KLC2: variants seen among roughly 807,000 people sequenced by gnomAD.
KLC2 encodes the protein kinesin light chain 2.
KLC2 carries 35 observed loss-of-function variants against 75.1 expected under a neutral mutation model. That is an observed-to-expected ratio of 0.47 (90% confidence interval 0.36 to 0.62). KLC2 has a LOEUF of 0.62. Among genes scored for constraint, KLC2 ranks in the 20% least tolerant of loss-of-function variants. KLC2 has a pLI of 0.00. For missense variants in KLC2, 611 were observed against 833.2 expected, an observed-to-expected ratio of 0.73 and a Z score of 3.28; for synonymous variants, 314 against 336.7, an observed-to-expected ratio of 0.93 and a Z score of 0.74.
At chr11:66,258,297 T>G in intron 1 of KLC2, 1 of 439,396 alleles carries the variant, frequency 2.3e-6, no homozygotes. Context: ...CCTGTCCTGG[T>G]TAGGGGGTCC....
upstream of KLC2, among the ~76,000 whole-genome samples, chr11:66,255,915 G>A (rs547827893): frequency 6.6e-6 from 1 of 152,080 alleles, no homozygotes; most frequent in African/African-American, 2.4e-5. Flanking sequence ...ACAGGCGTGC[G>A]CCACCACGCA....
chr11:66,252,444 T>C (rs1236345759), upstream of KLC2, among the ~76,000 whole-genome samples: 2 of 151,142 alleles, frequency 1.3e-5, no homozygotes, highest in Non-Finnish European at 3.0e-5. Flanking sequence ...TTTGTATTTT[T>C]AGTAGAGACG....
In KLC2 at chr11:66,257,992, C is replaced by A. The variant is rs531523311; in HGVS notation, c.-12+121C>A. ...CGGCCTGTGGGAGGATCGGGCCAGCCCTGGTAGGGGGCGCGGTCCCGGGTG... is the reference window on the plus strand; with the variant it reads ...CGGCCTGTGGGAGGATCGGGCCAGCACTGGTAGGGGGCGCGGTCCCGGGTG... On this transcript the variant is annotated intron_variant, in intron 1 of 15. Transcript: ENST00000394067. The A allele has an allele frequency of 9.8e-4, 150 of 153,176 alleles. 2 individuals carry two copies. In the South Asian group the frequency reaches 0.028, roughly 29 times the overall value. The allele number at this position is 153,176 out of a possible 1,614,324, so 9.5% of individuals were successfully genotyped here.
rs61729298 is a variant in KLC2, at chr11:66,262,172, A to G, written c.509A>G (p.Asn170Ser). ...GACACACTGGATGACCTGTTCCCCA[A>G]TGAGGATGAGCAGAGCCCAGGTGCG... ...PKDTLDDLFP[N>S]EDEQSPAPSP... Residue 170 changes from asparagine to serine, a missense_variant, in exon 4 of 16, where the codon AAT becomes AGT. Physicochemically the swap from Asn to Ser is conservative, Grantham distance 46. Coordinates refer to ENST00000394067, the MANE Select transcript of KLC2 (RefSeq NM_001318734.2). 83 of 1,613,344 alleles carry G rather than the reference A, an allele frequency of 5.1e-5. No individual in the cohort carries two copies. Among genetic ancestry groups the G allele is most frequent in the Middle Eastern group, 1.8e-4 (1 of 5,482 alleles).
upstream of KLC2, among the ~76,000 whole-genome samples, chr11:66,252,425 G>A (rs866891235): frequency 3.6e-5 from 5 of 137,348 alleles, no homozygotes; most frequent in East Asian, 5.8e-4. Flanking sequence ...CACCATGCCC[G>A]GCTAATTTTT....
chr11:66,254,757 C>G (rs1855990084), upstream of KLC2, among the ~76,000 whole-genome samples: 1 of 150,814 alleles, frequency 6.6e-6, no homozygotes, highest in Non-Finnish European at 1.5e-5. Context: ...AAAACCCTAT[C>G]TCTACTAAAA....
the KLC2 span, chr11:66,244,546 C>G: frequency 6.6e-6 from 1 of 152,394 alleles, no homozygotes; most frequent in Non-Finnish European, 1.5e-5. Context: ...TCACTCCTTC[C>G]CAGAAGTTTT....
the KLC2 span, chr11:66,246,081 A>T: frequency 6.6e-6 from 1 of 152,212 alleles, no homozygotes; most frequent in Non-Finnish European, 1.5e-5. Flanking sequence ...CCCTGCGCAA[A>T]CTCTCTGAGC....
chr11:66,258,338 G>A (rs1285800443), intron 1 of KLC2: 8 of 535,720 alleles, frequency 1.5e-5, no homozygotes, highest in Admixed American at 3.3e-5. Context: ...AGCCGCCTAA[G>A]TCGGCCTGAG....
At chr11:66,247,452 TTC>T in the KLC2 span, among the ~76,000 whole-genome samples, 1 of 152,020 alleles carries the variant, frequency 6.6e-6, no homozygotes, top group African/African-American at 2.4e-5. Context: ...CCTCTTACGC[TTC>T]CCCTCCTCAC....
upstream of KLC2, among the ~76,000 whole-genome samples, chr11:66,256,060 CCA>C (rs1306036167): frequency 6.6e-6 from 1 of 152,040 alleles, no homozygotes; most frequent in Non-Finnish European, 1.5e-5. Flanking sequence ...GCCACTGAGC[CCA>C]GTCTTTGTAT....
chr11:66,262,588 T>G, intron 4 of KLC2: 1 of 584,592 alleles, frequency 1.7e-6, no homozygotes. Flanking sequence ...GGCTCAGAGG[T>G]TAGGCAGCTT....
intron 2 of KLC2, chr11:66,261,063 TAAAA>T (rs60556220): frequency 0.4 from 54,135 of 136,144 alleles, 11,160 homozygotes; most frequent in Non-Finnish European, 0.48. Context: ...TGTCTTAAAT[TAAAA>T]AAAAAAAAAA....
At position 66,262,109 on chromosome 11, in the gene KLC2, G is replaced by C. The variant is rs779291656; in HGVS notation, c.460-14G>C. 2 of 1,612,826 alleles carry C rather than the reference G, an allele frequency of 1.2e-6. No individual in the cohort carries two copies. The highest frequency in any genetic ancestry group is 1.7e-6 in the Non-Finnish European group (2 of 1,179,424). On this transcript the variant is annotated splice_polypyrimidine_tract_variant and intron_variant, in intron 3 of 15. Coordinates refer to ENST00000394067, the MANE Select transcript of KLC2 (RefSeq NM_001318734.2). Reference sequence around the variant, plus strand: ...TGCCTCCTTCCCTGATGCTCATCCTGTCTTCCTTCCCAGGAGGAGAAGGGG... The same window carrying C: ...TGCCTCCTTCCCTGATGCTCATCCTCTCTTCCTTCCCAGGAGGAGAAGGGG...
upstream of KLC2, among the ~76,000 whole-genome samples, chr11:66,253,920 T>C (rs1377004251): frequency 6.6e-6 from 1 of 152,184 alleles, no homozygotes; most frequent in Non-Finnish European, 1.5e-5. Flanking sequence ...GATTGAGAAG[T>C]GTTCTCTCCA....
At chr11:66,256,077 T>G (rs113136557), upstream of KLC2, among the ~76,000 whole-genome samples, 152 of 152,224 alleles carry the variant, frequency 1.0e-3, 1 homozygote, top group Middle Eastern at 3.4e-3. Flanking sequence ...TTGTATGTCT[T>G]TTGAATGTTG....
intron 4 of KLC2, 197 bp downstream of exon 4, chr11:66,262,389 G>A: frequency 1.7e-6 from 1 of 596,514 alleles, no homozygotes; most frequent in Non-Finnish European, 3.0e-6. Context: ...ATCACAATTA[G>A]CTGTGGAGTC....
rs1313246975 is a variant in KLC2 at position 66,265,964 on chromosome 11, G to A, written c.1554G>A (p.Arg518=). 1.2e-6 allele frequency: 2 copies of A among 1,607,162 alleles called. No individual in the cohort carries two copies. Among genetic ancestry groups the A allele is most frequent in the East Asian group, 2.2e-5 (1 of 44,694 alleles). ...SRDMAGGAGP[R]SESDLEDVGP... ...ACATGGCTGGGGGTGCCGGGCCTCG[G>A]TCTGAGTCTGACCTCGAGGACGTGG... is the stretch of plus-strand genomic sequence containing the variant. The change falls in exon 13 of 16, where the codon CGG becomes CGA. Residue 518 remains arginine, a synonymous_variant. Coordinates refer to ENST00000394067, the MANE Select transcript of KLC2 (RefSeq NM_001318734.2).
At chr11:66,257,018 C>T (rs1051464487), upstream of KLC2, among the ~76,000 whole-genome samples, 1 of 152,172 alleles carries the variant, frequency 6.6e-6, no homozygotes, top group African/African-American at 2.4e-5. Flanking sequence ...TGAGACCACG[C>T]GGGGCACCAT....
Sources: gnomAD v4.1 joint callset for allele counts (sites outside exome capture counted in the v4.1 genomes callset) on GRCh38, gnomAD v4.1.1 for gene constraint, MANE v1.5 for transcripts, NCBI Gene and HGNC (gene_info 2026-07-23, HGNC 2026-07-21) for gene names.